Variants in UBA7 observed in about 807,000 individuals in gnomAD.
The protein encoded by UBA7 is ubiquitin like modifier activating enzyme 7.
A neutral mutation model predicts 113.0 loss-of-function variants in UBA7; 88 were observed. The ratio of observed to expected loss-of-function variants is 0.78; its 90% CI spans 0.66 to 0.93. The LOEUF is 0.93. UBA7 is among the 40% of genes least tolerant of loss of function. The probability of loss-of-function intolerance (pLI) is 0.00; values close to 1 mark genes in which losing one functional copy is unlikely to be tolerated. For missense variants in UBA7, 1,092 were observed against 1,266.4 expected, an observed-to-expected ratio of 0.86 and a Z score of 2.09; for synonymous variants, 459 against 513.0, an observed-to-expected ratio of 0.89 and a Z score of 1.42.
Position 49,810,327 on chromosome 3 carries a change from G to A in UBA7, c.1569C>T (p.Ile523=). 6.2e-7 allele frequency: 1 copy of A among 1,614,214 alleles called. No individual in the cohort carries two copies. The highest frequency in any genetic ancestry group is 1.1e-5 in the South Asian group (1 of 91,088). Residue 523 remains isoleucine, a synonymous_variant, in exon 13 of 24, where the codon ATC becomes ATT. Transcript: ENST00000333486. The surrounding 1 kb of genome is among the most constrained non-coding windows in gnomAD (Gnocchi z 5.6). ...CACGGGAGAAAAAGTTATCCCCATA[G>A]ATGTGCTCTGTGGTGGGATCCAGTG... The part of the protein sequence containing the change: ...TYPLDPTTEH[I]YGDNFFSRVD...
rs762891544 is a variant in UBA7 at position 49,811,423 on chromosome 3, C to G, written c.972G>C (p.Arg324=). 6.3e-7 allele frequency: 1 copy of G among 1,595,700 alleles called. No homozygotes were observed. Among genetic ancestry groups the G allele is most frequent in the Non-Finnish European group, 8.5e-7 (1 of 1,171,562 alleles). The part of the protein sequence containing the change: ...VDAETVVGLA[R]DLEPLKRTEE... The stretch of plus-strand genomic sequence containing the variant: ...CTGTCCGCTTCAGTGGTTCCAGGTC[C>G]CGGGCCAGGCCCACCACAGTCTCTG... The change falls in exon 9 of 24, where the codon CGG becomes CGC. Residue 324 remains arginine (R), a synonymous_variant. Coordinates refer to ENST00000333486, the MANE Select transcript of UBA7 (RefSeq NM_003335.3).
rs771441813 is a variant in UBA7 at position 49,813,717 on chromosome 3, C to G, written c.56+15G>C. 43 of 1,614,152 alleles carry G rather than the reference C, an allele frequency of 2.7e-5. No homozygotes were observed. Among genetic ancestry groups the G allele is most frequent in the Admixed American group, 6.7e-5 (4 of 60,010 alleles). ...GAAGACCATCCCACTCTCCACCCCC[C>G]ACCTCGGGCCTCACAGCTGTCTTGA... On this transcript the variant is annotated intron_variant, in intron 1 of 23. Transcript: ENST00000333486.
chr3:49,805,474 A>G, intron 23 of UBA7, 37 bp from the exon 24 acceptor site: 1 of 1,598,374 alleles, frequency 6.3e-7, no homozygotes, highest in Non-Finnish European at 8.6e-7. Context: ...TGGAGAGGTG[A>G]GCCATGGCAA....
Position 49,813,594 on chromosome 3 carries a change from A to T in UBA7, c.110T>A (p.Val37Glu). ...MQRIQGARVLVSGLQGLGAEV... is the reference protein window; with the variant it reads ...MQRIQGARVLESGLQGLGAEV... ...GGCCCCCAGGCCCTGCAGGCCTGAC[A>T]CCAGGACCCTGGCTCCCTGAATCCT... Residue 37 changes from valine (V) to glutamate (E), a missense_variant, in exon 2 of 24, where the codon GTG (valine) becomes GAG (glutamate). Coordinates refer to ENST00000333486, the MANE Select transcript of UBA7 (RefSeq NM_003335.3). 1 of 1,614,172 alleles carries T rather than the reference A, an allele frequency of 6.2e-7. No homozygotes were observed. Among genetic ancestry groups the T allele is most frequent in the South Asian group, 1.1e-5 (1 of 91,090 alleles).
rs763819031 is a variant in UBA7, at chr3:49,809,124, G to C, written c.2199C>G (p.Asn733Lys). The C allele has an allele frequency of 1.2e-6, 2 of 1,613,164 alleles. No homozygotes were observed. Among genetic ancestry groups the C allele is most frequent in the East Asian group, 4.5e-5 (2 of 44,864 alleles). Residue 733 changes from asparagine (N) to lysine (K), a missense_variant, in exon 18 of 24, where the codon AAC (asparagine) becomes AAG (lysine). Transcript: ENST00000333486. ...GCAGCCCATGCATCTGGGCATACAG[G>C]TTGGCAGCTGCCAGTACGTAGAGGA... ...THLLYVLAAA[N>K]LYAQMHGLPG... is the part of the protein sequence containing the mutation.
intron 18 of UBA7, 85 bp downstream of exon 18, chr3:49,808,891 A>G (rs569790789): frequency 2.7e-6 from 4 of 1,501,742 alleles, no homozygotes; most frequent in South Asian, 2.7e-5. Context: ...CCTAGGCCCT[A>G]TCTTCCTTCT....
At position 49,812,631 on chromosome 3, in the gene UBA7, T is replaced by C; in HGVS notation, c.558+17A>G. 1 of 1,614,208 alleles carries C rather than the reference T, an allele frequency of 6.2e-7. No individual in the cohort carries two copies. The highest frequency in any genetic ancestry group is 8.5e-7 in the Non-Finnish European group (1 of 1,180,038). On this transcript the variant is annotated intron_variant, in intron 5 of 23. Transcript: ENST00000333486. ...TCTCCTTGGTCAGCAGGTGAATGCC[T>C]ACAGCTCAGCACCCACCTGGGAGAT...
Position 49,809,071 on chromosome 3 carries a change from C to T in UBA7, c.2252G>A (p.Arg751Lys), listed in dbSNP as rs747533448. Residue 751 changes from arginine (R) to lysine (K), a missense_variant, in exon 18 of 24, where the codon AGG becomes AAG. By Grantham distance (26) the Arg-to-Lys change is conservative. This residue lies in a region of UBA7 where 500 missense variants were observed against 529.3 expected (regional missense o/e 0.94). Transcript: ENST00000333486. ...LPGSQDWTAL[R>K]ELLKLLPQPD... ...CTGTGGCAGCAGCTTCAGCAGCTCC[C>T]TGAGTGCAGTCCAGTCCTGTGAGCC... 1.9e-6 allele frequency: 3 copies of T among 1,613,786 alleles called. No homozygotes were observed. In the Admixed American group the frequency reaches 5.0e-5, roughly 27 times the overall value.
At chr3:49,806,329 C>G (rs1397896948) in intron 21 of UBA7, 164 bp from the exon 22 acceptor site, 7 of 641,770 alleles carry the variant, frequency 1.1e-5, no homozygotes, top group African/African-American at 9.2e-5. Flanking sequence ...TCTCAGCCCC[C>G]TCCCCGTCCA....
intron 14 of UBA7, 43 bp from the exon 15 acceptor site, chr3:49,809,922 G>C (rs778708608): frequency 6.2e-7 from 1 of 1,614,152 alleles, no homozygotes; most frequent in South Asian, 1.1e-5. Flanking sequence ...GTGGAGAACA[G>C]GTCTGCAGCT....
In UBA7 at chr3:49,807,711, T is replaced by G; in HGVS notation, c.2715+25A>C. The G allele has an allele frequency of 6.3e-7, 1 of 1,585,428 alleles. No homozygotes were observed. Among genetic ancestry groups the G allele is most frequent in the Non-Finnish European group, 8.6e-7 (1 of 1,165,138 alleles). On this transcript the variant is annotated intron_variant, in intron 21 of 23. Coordinates refer to ENST00000333486, the MANE Select transcript of UBA7 (RefSeq NM_003335.3). The surrounding 1 kb of genome is among the most constrained non-coding windows in gnomAD (Gnocchi z 4.0). ...AGGGGAAACCCAGGCCTAGTAGGGC[T>G]AAGGGTGGGGTATCATGGGCTCACC... is the stretch of plus-strand genomic sequence containing the variant.
chr3:49,805,231 A>T lies in UBA7; in HGVS notation c.*77T>A, dbSNP rs929595839. The T allele has an allele frequency of 7.0e-7, 1 of 1,418,512 alleles. No homozygotes were observed. Among genetic ancestry groups the T allele is most frequent in the Admixed American group, 1.9e-5 (1 of 53,288 alleles). 87.9% of individuals were successfully genotyped at this position (1,418,512 alleles called of 1,614,324 possible). On this transcript the variant is annotated 3_prime_UTR_variant, in exon 24 of 24. Transcript: ENST00000333486. ...GCCTTCCTTTAACAAGCATTTATTG[A>T]GTGCCTACTGTGGGCTTACAATGCA...
At position 49,810,039 on chromosome 3, in the gene UBA7, T is replaced by C; in HGVS notation, c.1778A>G (p.Asp593Gly). The change falls in exon 14 of 24, where the codon GAT becomes GGT. Residue 593 changes from aspartate to glycine, a missense_variant. By Grantham distance (94) the Asp-to-Gly change is moderately conservative. Around this residue, in one of 3 missense-constraint regions of UBA7, gnomAD observed 500 missense variants for 529.3 expected, o/e 0.94. Transcript: ENST00000333486. The surrounding 1 kb of genome is among the most constrained non-coding windows in gnomAD (Gnocchi z 5.6). Reference sequence around the variant, plus strand: ...CACGGTACAGACAGGGTAGGGGGCATCCTCAGAAGCTGCAGCTGAGGCAGG... The same window carrying C: ...CACGGTACAGACAGGGTAGGGGGCACCCTCAGAAGCTGCAGCTGAGGCAGG... ...RAPASAAASE[D>G]APYPVCTVRY... 6.2e-7 allele frequency: 1 copy of C among 1,613,742 alleles called. No homozygotes were observed. Among genetic ancestry groups the C allele is most frequent in the Non-Finnish European group, 8.5e-7 (1 of 1,179,980 alleles).
Position 49,811,296 on chromosome 3 carries a change from C to G in UBA7, c.1099G>C (p.Val367Leu), listed in dbSNP as rs1446324694. The change falls in exon 9 of 24, where the codon GTA becomes CTA. Residue 367 changes from valine to leucine, a missense_variant. Around this residue, in one of 3 missense-constraint regions of UBA7, gnomAD observed 584 missense variants for 714.5 expected, o/e 0.82. Coordinates refer to ENST00000333486, the MANE Select transcript of UBA7 (RefSeq NM_003335.3). ...LSPMVAMLGA[V>L]AAQEVLKAIS... ...ACCTTCAGCACTTCCTGGGCAGCTACTGCACCCAGCATGGCCACCATAGGG... is the reference window on the plus strand; with the variant it reads ...ACCTTCAGCACTTCCTGGGCAGCTAGTGCACCCAGCATGGCCACCATAGGG... 13 of 1,614,162 alleles carry G rather than the reference C, an allele frequency of 8.1e-6. No individual in the cohort carries two copies. The highest frequency in any genetic ancestry group is 1.1e-5 in the Non-Finnish European group (13 of 1,180,018).
At chr3:49,806,354 C>G (rs2081453223) in intron 21 of UBA7, 189 bp from the exon 22 acceptor site, 1 of 611,686 alleles carries the variant, frequency 1.6e-6, no homozygotes, top group African/African-American at 1.8e-5. Flanking sequence ...GGGGCCAGCA[C>G]AGGAAATGGG....
chr3:49,806,268 A>C, intron 21 of UBA7, 103 bp from the exon 22 acceptor site: 275 of 675,582 alleles, frequency 4.1e-4, no homozygotes, highest in Non-Finnish European at 5.2e-4. Context: ...CTAGCAGGAA[A>C]CAGGAGCCAG....
rs771504638 is a variant in UBA7 at position 49,806,076 on chromosome 3, A to T, written c.2805T>A (p.Leu935=). ...ERTLESLLAH[L]QEQHGLRVRI... ...TTGGGGTAGCAACAGGGCACACCTG[A>T]AGATGAGCCAGCAGCGACTCCAGGG... The change falls in exon 22 of 24, where the codon CTT becomes CTA. Residue 935 remains leucine, a synonymous_variant. Transcript: ENST00000333486. The T allele has an allele frequency of 6.3e-7, 1 of 1,589,934 alleles. No individual in the cohort carries two copies. Among genetic ancestry groups the T allele is most frequent in the South Asian group, 1.1e-5 (1 of 87,162 alleles).
intron 14 of UBA7, 34 bp downstream of exon 14, chr3:49,809,944 T>C: frequency 6.2e-7 from 1 of 1,614,028 alleles, no homozygotes; most frequent in Non-Finnish European, 8.5e-7. Flanking sequence ...AGGGCTGAGC[T>C]GGGTGGGGTG....
chr3:49,808,469 C>T lies in UBA7; in HGVS notation c.2348-1G>A. On this transcript the variant is annotated splice_acceptor_variant, in intron 18 of 23. Transcript: ENST00000333486. LOFTEE classifies it high-confidence loss of function. ...TTCAGTTCCTTCTGCTGCTCAGGGC[C>T]TGTCAGGGGAGGGGATGTTGAGGCA... is the stretch of plus-strand genomic sequence containing the variant. The T allele has an allele frequency of 6.2e-7, 1 of 1,614,014 alleles. No homozygotes were observed. The highest frequency in any genetic ancestry group is 8.5e-7 in the Non-Finnish European group (1 of 1,179,936).
Sources: gnomAD v4.1 joint callset for allele counts on GRCh38, gnomAD v4.1.1 for gene constraint, gnomAD v4.1.1 regional missense constraint, Gnocchi (gnomAD v3.1) non-coding constraint, MANE v1.5 for transcripts, NCBI Gene and HGNC (gene_info 2026-07-23, HGNC 2026-07-21) for gene names.